The following ADARB2 variants were observed in gnomAD, a reference collection of about 807,000 sequenced individuals.
ADARB2 encodes the protein inactive double-stranded RNA-specific editase B2.
ADARB2 carries 25 observed loss-of-function variants against 62.2 expected under a neutral mutation model. That is an observed-to-expected ratio of 0.40 (90% CI 0.29 to 0.56). ADARB2 has a LOEUF of 0.56. Among genes scored for constraint, ADARB2 ranks in the 20% least tolerant of loss-of-function variants. The pLI is 0.43. For synonymous variants in ADARB2, 572 were observed against 500.8 expected, an observed-to-expected ratio of 1.14 and a Z score of -1.90; for missense variants, 1,071 against 1,077.4, an observed-to-expected ratio of 0.99 and a Z score of 0.08.
chr10:1,399,413 A>G (rs2131870896), intron 1 of ADARB2, among the ~76,000 whole-genome samples: 1 of 152,048 alleles, frequency 6.6e-6, no homozygotes, highest in African/African-American at 2.4e-5. Context: ...GACATTTATA[A>G]AGAATCTGGC....
rs35894676 is a variant in ADARB2, at chr10:1,510,110, CTCTTTCTTTCTTTCTTTCTTTCTT to C, written c.101-130974_101-130951del. On this transcript the variant is annotated intron_variant, in intron 1 of 9. Coordinates refer to ENST00000381312, the MANE Select transcript of ADARB2 (RefSeq NM_018702.4). ...CTCTCTCTCTCTTTTCTTTCTTTCT[CTCTTTCTTTCTTTCTTTCTTTCTT>C]TCTTTCTTTCTTTCTTTCTTTCTTT... 3.2e-3 allele frequency among the ~76,000 whole-genome samples: 344 copies of C among 106,252 alleles called. 2 individuals are homozygous for C. Among genetic ancestry groups the C allele is most frequent in the African/African-American group, 9.1e-3 (252 of 27,696 alleles). 69.7% of individuals were successfully genotyped at this position (106,252 alleles called of 152,430 possible). A position where few individuals can be genotyped will look rare whatever the true frequency, so the allele number is the denominator to read the frequency against.
At chr10:1,699,020 C>G (rs887554729) in intron 1 of ADARB2, among the ~76,000 whole-genome samples, 1 of 152,208 alleles carries the variant, frequency 6.6e-6, no homozygotes, top group Non-Finnish European at 1.5e-5. Flanking sequence ...CTCGGCCTCC[C>G]GAAGTGCTGG....
At chr10:1,343,093 A>T (rs1832045014) in intron 3 of ADARB2, among the ~76,000 whole-genome samples, 1 of 152,190 alleles carries the variant, frequency 6.6e-6, no homozygotes, top group Non-Finnish European at 1.5e-5. Context: ...GAGAAATGAG[A>T]TCTATACACA....
rs561299617 is a variant in ADARB2, at chr10:1,591,652, C to T, written c.100+145399G>A. ...TCTGAATCTCTCTTACACACAGAGG[C>T]GTGCACGCACACACACACACACACA... On this transcript the variant is annotated intron_variant, in intron 1 of 9. Coordinates refer to ENST00000381312, the MANE Select transcript of ADARB2 (RefSeq NM_018702.4). Among the ~76,000 whole-genome samples, 512 of 57,762 alleles carry T rather than the reference C, an allele frequency of 8.9e-3. 11 individuals carry two copies. In the Admixed American group the frequency reaches 0.096, roughly 11 times the overall value. 37.9% of individuals were successfully genotyped at this position (57,762 alleles called of 152,430 possible).
intron 2 of ADARB2, among the ~76,000 whole-genome samples, chr10:1,374,732 A>G (rs942731139): frequency 6.6e-6 from 1 of 152,214 alleles, no homozygotes; most frequent in Non-Finnish European, 1.5e-5. Context: ...GTGCGGTATC[A>G]TTGGGACCGC....
chr10:1,273,015 G>A (rs1381406885), intron 3 of ADARB2, among the ~76,000 whole-genome samples: 1 of 152,172 alleles, frequency 6.6e-6, no homozygotes, highest in Non-Finnish European at 1.5e-5. Flanking sequence ...CTATCCCCAC[G>A]TGGCCTTCTC....
intron 4 of ADARB2, among the ~76,000 whole-genome samples, chr10:1,264,240 T>G (rs1831171603): frequency 6.6e-6 from 1 of 152,222 alleles, no homozygotes; most frequent in Non-Finnish European, 1.5e-5. Context: ...CCAGTTCATT[T>G]GTTTCAGCTT....
At chr10:1,205,979 G>A (rs1424437440) in intron 7 of ADARB2, among the ~76,000 whole-genome samples, 1 of 150,538 alleles carries the variant, frequency 6.6e-6, no homozygotes, top group African/African-American at 2.5e-5. Context: ...GGTCAGGTGG[G>A]TGTCACGGGG....
chr10:1,491,359 C>A (rs1271809345), intron 1 of ADARB2, among the ~76,000 whole-genome samples: 1 of 152,164 alleles, frequency 6.6e-6, no homozygotes, highest in Non-Finnish European at 1.5e-5. Flanking sequence ...CATGAGCCAC[C>A]GTGCCTGGCT....
intron 3 of ADARB2, among the ~76,000 whole-genome samples, chr10:1,339,849 T>A (rs987890876): frequency 6.6e-6 from 1 of 151,886 alleles, no homozygotes; most frequent in Non-Finnish European, 1.5e-5. Context: ...ACACAGAAGG[T>A]TTGGAATAAC....
chr10:1,586,562 CTCTGCCCCGAGGGGA>C (rs1323582509), intron 1 of ADARB2, among the ~76,000 whole-genome samples: 1 of 152,228 alleles, frequency 6.6e-6, no homozygotes, highest in Non-Finnish European at 1.5e-5. Flanking sequence ...TTACCTGCAT[CTCTGCCCCGAGGGGA>C]TCTGCTCACC....
chr10:1,183,306 C>T lies in ADARB2; in HGVS notation c.2107G>A (p.Ala703Thr). Residue 703 changes from alanine (A) to threonine (T), a missense_variant, in exon 10 of 10, where the codon GCG becomes ACG. By Grantham distance (58) the Ala-to-Thr change is moderately conservative. Coordinates refer to ENST00000381312, the MANE Select transcript of ADARB2 (RefSeq NM_018702.4). The part of the protein sequence containing the change: ...PSMYCEAKLG[A>T]HTYQSVKQQL... ...TGTTTCACAGACTGGTAGGTGTGCG[C>T]CCCCAGCTTGGCCTCACAGTACATG... 1 of 1,614,156 alleles carries T rather than the reference C, an allele frequency of 6.2e-7. No individual in the cohort carries two copies. The highest frequency in any genetic ancestry group is 8.5e-7 in the Non-Finnish European group (1 of 1,180,028).
At chr10:1,186,420 C>G (rs976681492) in intron 8 of ADARB2, 5 of 502,906 alleles carry the variant, frequency 9.9e-6, no homozygotes, top group Non-Finnish European at 2.0e-5. Flanking sequence ...GGTGTTGAGA[C>G]GCTTGGTTTA....
intron 1 of ADARB2, among the ~76,000 whole-genome samples, chr10:1,657,955 G>A: frequency 6.6e-6 from 1 of 150,740 alleles, no homozygotes; most frequent in Admixed American, 6.6e-5. Flanking sequence ...CTCTGTCTGT[G>A]TCTGCCTCAG....
At chr10:1,273,718 C>T (rs998852521) in intron 3 of ADARB2, among the ~76,000 whole-genome samples, 7 of 152,154 alleles carry the variant, frequency 4.6e-5, no homozygotes, top group Admixed American at 6.5e-5. Flanking sequence ...CCTCAGGCCT[C>T]GAGAAGTCAG....
intron 3 of ADARB2, among the ~76,000 whole-genome samples, chr10:1,326,798 C>A (rs1589192904): frequency 7.4e-6 from 1 of 134,684 alleles, no homozygotes; most frequent in African/African-American, 2.9e-5. Flanking sequence ...CCCAGCGCCT[C>A]CCCACGGCCC....
chr10:1,386,936 G>A (rs1340923969), intron 1 of ADARB2, among the ~76,000 whole-genome samples: 1 of 151,816 alleles, frequency 6.6e-6, no homozygotes, highest in Non-Finnish European at 1.5e-5. Flanking sequence ...CCACAATATA[G>A]TTATGTTAAA....
chr10:1,302,197 G>A (rs11250394), intron 3 of ADARB2, among the ~76,000 whole-genome samples: 11,616 of 152,294 alleles, frequency 0.076, 607 homozygotes, highest in East Asian at 0.12. Context: ...GAAGCAGGGC[G>A]AGGCATTGCC....
intron 1 of ADARB2, among the ~76,000 whole-genome samples, chr10:1,476,953 A>G (rs941628508): frequency 6.6e-6 from 1 of 152,074 alleles, no homozygotes; most frequent in African/African-American, 2.4e-5. Context: ...TTCCTTTCTT[A>G]ACAATCAGAG....
Sources: gnomAD v4.1 joint callset for allele counts (sites outside exome capture counted in the v4.1 genomes callset) on GRCh38, gnomAD v4.1.1 for gene constraint, MANE v1.5 for transcripts, NCBI Gene and HGNC (gene_info 2026-07-23, HGNC 2026-07-21) for gene names.